Variants in NME7 observed in about 807,000 individuals in gnomAD.
NME7 encodes nucleoside diphosphate kinase 7.
A neutral mutation model predicts 49.1 loss-of-function variants in NME7; 41 were observed. The observed-to-expected ratio is 0.83, with a 90% confidence interval of 0.65 to 1.08. The LOEUF (loss-of-function observed/expected upper bound fraction) is 1.08. NME7 is among the 50% of genes least tolerant of loss of function. NME7 has a pLI of 0.00. For synonymous variants in NME7, 139 were observed against 150.6 expected (o/e 0.92, Z 0.56); for missense variants, 423 against 463.4 (o/e 0.91, Z 0.80).
intron 7 of NME7, among the ~76,000 whole-genome samples, chr1:169,264,273 T>TA (rs1386127466): frequency 7.5e-6 from 1 of 134,152 alleles, no homozygotes; most frequent in African/African-American, 2.5e-5. Flanking sequence ...ATAAATGGGC[T>TA]AAATGCCCCA....
chr1:169,278,323 C>G (rs974290691), intron 7 of NME7, among the ~76,000 whole-genome samples: 2 of 151,810 alleles, frequency 1.3e-5, no homozygotes, highest in Non-Finnish European at 1.5e-5. Flanking sequence ...TTCAGGTACA[C>G]CAATCAGACA....
intron 1 of NME7, among the ~76,000 whole-genome samples, chr1:169,336,707 C>T (rs1652491479): frequency 6.6e-6 from 1 of 151,530 alleles, no homozygotes; most frequent in Non-Finnish European, 1.5e-5. Context: ...CAAGGCCCCA[C>T]AAGAGCAGCT....
chr1:169,198,967 C>T (rs543927213), intron 10 of NME7, among the ~76,000 whole-genome samples: 2 of 152,016 alleles, frequency 1.3e-5, no homozygotes, highest in Admixed American at 1.3e-4. Context: ...AGACAGGCCA[C>T]CTAGGTAATT....
intron 7 of NME7, among the ~76,000 whole-genome samples, chr1:169,255,598 C>T (rs1427697840): frequency 4.7e-5 from 6 of 126,686 alleles, no homozygotes; most frequent in African/African-American, 1.4e-4. Context: ...GAATTTGATC[C>T]TGTCATTATG....
At chr1:169,206,837 A>G (rs1196809363) in intron 10 of NME7, among the ~76,000 whole-genome samples, 1 of 151,688 alleles carries the variant, frequency 6.6e-6, no homozygotes, top group African/African-American at 2.4e-5. Context: ...AATGTTTGCA[A>G]TTTCTGGTGG....
intron 1 of NME7, among the ~76,000 whole-genome samples, chr1:169,362,217 T>A (rs968541270): frequency 6.6e-6 from 1 of 152,082 alleles, no homozygotes; most frequent in Non-Finnish European, 1.5e-5. Context: ...CAAAAATAAA[T>A]AAATACATAA....
chr1:169,181,477 A>G, intron 10 of NME7, among the ~76,000 whole-genome samples: 1 of 151,874 alleles, frequency 6.6e-6, no homozygotes, highest in East Asian at 1.9e-4. Flanking sequence ...TCTTCTTTTG[A>G]TAATTAACCC....
chr1:169,287,241 C>G (rs1650310393), intron 7 of NME7, 62 bp downstream of exon 7: 2 of 1,288,456 alleles, frequency 1.6e-6, no homozygotes, highest in Non-Finnish European at 2.2e-6. Flanking sequence ...TAAAGTACAT[C>G]AAGAAAATAA....
chr1:169,272,756 A>G lies in NME7; in HGVS notation c.754+14547T>C, dbSNP rs1392313258. ...TTGTGAACCGTGCTGCAATGAACATACACGTGCATGTATTTTTATAATAGA... is the reference window on the plus strand; with the variant it reads ...TTGTGAACCGTGCTGCAATGAACATGCACGTGCATGTATTTTTATAATAGA... On this transcript the variant is annotated intron_variant, in intron 7 of 11. Transcript: ENST00000367811. 2.3e-5 allele frequency among the ~76,000 whole-genome samples: 3 copies of G among 133,048 alleles called. 1 individual carries two copies. The highest frequency in any genetic ancestry group is 7.4e-5 in the Admixed American group (1 of 13,494). The allele number at this position is 133,048 out of a possible 152,430, so 87.3% of individuals were successfully genotyped here.
At chr1:169,237,326 A>C (rs1571315134) in intron 8 of NME7, among the ~76,000 whole-genome samples, 2 of 152,150 alleles carry the variant, frequency 1.3e-5, no homozygotes, top group East Asian at 3.8e-4. Context: ...TAAGAACAAA[A>C]TACAGTTTTT....
At chr1:169,294,523 CTGTT>C (rs991413126) in intron 6 of NME7, among the ~76,000 whole-genome samples, 1 of 152,016 alleles carries the variant, frequency 6.6e-6, no homozygotes, top group Non-Finnish European at 1.5e-5. Context: ...AAAGAAGAGG[CTGTT>C]TGGGGCTGCA....
At chr1:169,317,706 T>G (rs1385794571) in intron 3 of NME7, among the ~76,000 whole-genome samples, 1 of 152,202 alleles carries the variant, frequency 6.6e-6, no homozygotes, top group Non-Finnish European at 1.5e-5. Flanking sequence ...TCATCTGGTC[T>G]GTTCCCCGAG....
At chr1:169,242,463 A>G (rs190631729) in intron 7 of NME7, among the ~76,000 whole-genome samples, 9 of 152,196 alleles carry the variant, frequency 5.9e-5, no homozygotes, top group Admixed American at 3.9e-4. Context: ...AGAAACCTAC[A>G]ACTAACATAA....
intron 1 of NME7, among the ~76,000 whole-genome samples, chr1:169,354,008 C>T (rs796629165): frequency 6.6e-6 from 1 of 152,150 alleles, no homozygotes; most frequent in African/African-American, 2.4e-5. Flanking sequence ...CTTCAAAAAA[C>T]TAAAAATAGA....
At chr1:169,355,730 G>A (rs1277143243) in intron 1 of NME7, among the ~76,000 whole-genome samples, 1 of 151,808 alleles carries the variant, frequency 6.6e-6, no homozygotes, top group Non-Finnish European at 1.5e-5. Flanking sequence ...TCTCTGACCA[G>A]CTAACTAAAT....
intron 3 of NME7, among the ~76,000 whole-genome samples, chr1:169,321,326 C>T (rs1651844218): frequency 6.6e-6 from 1 of 152,206 alleles, no homozygotes; most frequent in South Asian, 2.1e-4. Context: ...TGCCACTTCA[C>T]TTCAGCCTGG....
chr1:169,219,004 G>A (rs1661060695), intron 10 of NME7, among the ~76,000 whole-genome samples: 3 of 152,110 alleles, frequency 2.0e-5, no homozygotes, highest in Admixed American at 1.3e-4. Flanking sequence ...AAGGCAGATG[G>A]GAGGAGCTTT....
chr1:169,360,218 A>G (rs1653607365), intron 1 of NME7, among the ~76,000 whole-genome samples: 2 of 152,220 alleles, frequency 1.3e-5, no homozygotes, highest in Non-Finnish European at 2.9e-5. Flanking sequence ...GAAACAAAAA[A>G]TAAGTCCAGA....
chr1:169,342,686 C>G (rs191216516), intron 1 of NME7, among the ~76,000 whole-genome samples: 1,503 of 31,118 alleles, frequency 0.048, 545 homozygotes, highest in Non-Finnish European at 0.068. Flanking sequence ...TATACAAGTA[C>G]ATATATATAG....
Sources: allele counts gnomAD v4.1 joint callset (sites outside exome capture counted in the v4.1 genomes callset), GRCh38; gene constraint gnomAD v4.1.1; transcripts MANE v1.5; gene names NCBI Gene and HGNC (gene_info 2026-07-23, HGNC 2026-07-21).